Variants in PHKB observed in about 807,000 individuals in gnomAD.
PHKB encodes phosphorylase b kinase regulatory subunit beta.
A neutral mutation model predicts 152.1 loss-of-function variants in PHKB; 122 were observed. That is an observed-to-expected ratio of 0.80 (90% CI 0.69 to 0.93). PHKB has a LOEUF of 0.93. Among genes scored for constraint, PHKB ranks in the 40% least tolerant of loss-of-function variants. PHKB has a pLI of 0.00. For missense variants in PHKB, 1,304 were observed against 1,328.4 expected (o/e 0.98, Z 0.29); for synonymous variants, 436 against 464.9 (o/e 0.94, Z 0.80).
chr16:47,500,033 G>A lies in PHKB; in HGVS notation c.305+139G>A, dbSNP rs1195915080. On this transcript the variant is annotated intron_variant, in intron 3 of 30. Transcript: ENST00000323584. ...TATGACTGCTCACATCCCTTTTTAG[G>A]CCTCTAAACCTTTTCATTTTCTTTT... is the stretch of plus-strand genomic sequence containing the variant. 5 of 942,024 alleles carry A rather than the reference G, an allele frequency of 5.3e-6. No individual in the cohort carries two copies. In the South Asian group the frequency reaches 6.8e-5, roughly 13 times the overall value. The allele number at this position is 942,024 out of a possible 1,614,324, so 58.4% of individuals were successfully genotyped here.
intron 6 of PHKB, among the ~76,000 whole-genome samples, chr16:47,527,757 G>T (rs1970792661): frequency 6.6e-6 from 1 of 152,136 alleles, no homozygotes; most frequent in Non-Finnish European, 1.5e-5. Flanking sequence ...AGGCCCTTGG[G>T]TGAAACCTAA....
chr16:47,562,084 C>T (rs1178123911), intron 7 of PHKB: 1 of 152,176 alleles, frequency 6.6e-6, no homozygotes, highest in Non-Finnish European at 1.5e-5. Flanking sequence ...TAGACCCCTG[C>T]CAAAAGAAGG....
intron 7 of PHKB, among the ~76,000 whole-genome samples, chr16:47,552,226 A>T (rs1434704836): frequency 6.6e-6 from 1 of 152,140 alleles, no homozygotes; most frequent in African/African-American, 2.4e-5. Context: ...TAAGGTTAAT[A>T]TTGGTATTTC....
chr16:47,554,202 GAGAT>G (rs1185562350), intron 7 of PHKB, among the ~76,000 whole-genome samples: 48 of 152,050 alleles, frequency 3.2e-4, no homozygotes. Flanking sequence ...CTTTTTTTCA[GAGAT>G]GCCCTACCCA....
chr16:47,513,077 G>T (rs541759470), intron 5 of PHKB, among the ~76,000 whole-genome samples: 1 of 152,352 alleles, frequency 6.6e-6, no homozygotes, highest in African/African-American at 2.4e-5. Flanking sequence ...TTTGCTATCA[G>T]AAGTAGGGTT....
chr16:47,501,583 G>A (rs1970325716), intron 3 of PHKB, among the ~76,000 whole-genome samples: 1 of 152,096 alleles, frequency 6.6e-6, no homozygotes, highest in Non-Finnish European at 1.5e-5. Context: ...TAGGAGTGAA[G>A]GGTCATGATG....
At chr16:47,546,799 C>T (rs1475736993) in intron 6 of PHKB, among the ~76,000 whole-genome samples, 2 of 152,108 alleles carry the variant, frequency 1.3e-5, no homozygotes, top group African/African-American at 4.8e-5. Flanking sequence ...CCTACTCAAG[C>T]CTCCACAATG....
At chr16:47,506,323 T>C (rs1010653433) in intron 4 of PHKB, among the ~76,000 whole-genome samples, 5 of 152,186 alleles carry the variant, frequency 3.3e-5, no homozygotes, top group Non-Finnish European at 5.9e-5. Context: ...GAAAATGTTA[T>C]AGAGAAAAAG....
chr16:47,651,264 A>T (rs1973232967), intron 20 of PHKB, among the ~76,000 whole-genome samples: 2 of 152,102 alleles, frequency 1.3e-5, no homozygotes. Context: ...CTAACATCCA[A>T]CCTGGGAATA....
chr16:47,639,267 G>A (rs1972974901), intron 14 of PHKB, among the ~76,000 whole-genome samples: 1 of 152,138 alleles, frequency 6.6e-6, no homozygotes, highest in African/African-American at 2.4e-5. Context: ...GGGCAATAGA[G>A]TGAAAACCTG....
chr16:47,546,321 T>A (rs1597073754), intron 6 of PHKB, among the ~76,000 whole-genome samples: 1 of 152,182 alleles, frequency 6.6e-6, no homozygotes, highest in East Asian at 1.9e-4. Context: ...TTTCTGTTTG[T>A]TAGTTTTCCT....
rs186819897 is a variant in PHKB, at chr16:47,581,950, G to T, written c.774+1592G>T. Among the ~76,000 whole-genome samples the T allele has an allele frequency of 2.1e-4, 32 of 152,264 alleles. No homozygotes were observed. In the East Asian group the frequency reaches 6.2e-3, roughly 29 times the overall value. On this transcript the variant is annotated intron_variant, in intron 8 of 30. Transcript: ENST00000323584. Reference sequence around the variant, plus strand: ...CCATCTCGGCCTCCCAAAGTGCTGGGATCACAGGCATGAGCCACTATGCGC... The same window carrying T: ...CCATCTCGGCCTCCCAAAGTGCTGGTATCACAGGCATGAGCCACTATGCGC...
At chr16:47,492,859 C>T (rs982821979) in intron 1 of PHKB, among the ~76,000 whole-genome samples, 1 of 152,228 alleles carries the variant, frequency 6.6e-6, no homozygotes, top group Admixed American at 6.5e-5. Flanking sequence ...GGGTGCTAAA[C>T]TGTTGTAGGA....
chr16:47,570,580 A>T (rs1971640735), intron 7 of PHKB, among the ~76,000 whole-genome samples: 1 of 151,634 alleles, frequency 6.6e-6, no homozygotes, highest in Non-Finnish European at 1.5e-5. Flanking sequence ...GTTGTTAAAA[A>T]TTTCCACTGC....
At chr16:47,664,442 C>A in intron 24 of PHKB, 2 of 175,538 alleles carry the variant, frequency 1.1e-5, no homozygotes, top group Non-Finnish European at 1.2e-5. Context: ...AAAAAAGTCT[C>A]AAGAATGTCA....
In PHKB at chr16:47,547,501, G is replaced by A. The variant is rs2151672530; in HGVS notation, c.663G>A (p.Trp221Ter). ...ACCGTGTGCCTGACTTTGGTGTCTG[G>A]GAAAGAGGAAGCAAATATAATAATG... ...RVYRVPDFGV[W>*]ERGSKYNNGS... The change falls in exon 7 of 31, where the codon TGG becomes TGA. Residue 221 changes from tryptophan (W) to a stop codon, truncating the protein, a stop_gained. Transcript: ENST00000323584. LOFTEE classifies it high-confidence loss of function. 6.2e-7 allele frequency: 1 copy of A among 1,612,906 alleles called. No individual in the cohort carries two copies. Among genetic ancestry groups the A allele is most frequent in the East Asian group, 2.2e-5 (1 of 44,872 alleles).
chr16:47,690,941 C>G (rs920134257), intron 27 of PHKB, among the ~76,000 whole-genome samples: 1 of 152,034 alleles, frequency 6.6e-6, no homozygotes, highest in Non-Finnish European at 1.5e-5. Flanking sequence ...CATGATGGGC[C>G]GGGCATGGTG....
chr16:47,466,756 TG>T (rs1313487562), intron 1 of PHKB, among the ~76,000 whole-genome samples: 6 of 152,188 alleles, frequency 3.9e-5, no homozygotes, highest in East Asian at 3.8e-4. Flanking sequence ...TGCCTGATAT[TG>T]TTTTTTTTAA....
intron 26 of PHKB, among the ~76,000 whole-genome samples, chr16:47,672,335 A>C (rs1476597511): frequency 6.6e-6 from 1 of 152,048 alleles, no homozygotes; most frequent in African/African-American, 2.4e-5. Context: ...GATATTTTCA[A>C]CTCCAACCTC....
Sources: gnomAD v4.1 joint callset for allele counts (sites outside exome capture counted in the v4.1 genomes callset) on GRCh38, gnomAD v4.1.1 for gene constraint, MANE v1.5 for transcripts, NCBI Gene and HGNC (gene_info 2026-07-23, HGNC 2026-07-21) for gene names.